ELMOD3: variants seen among roughly 807,000 people sequenced by gnomAD.
ELMOD3 encodes ELMO domain-containing protein 3.
In ELMOD3, 36 loss-of-function variants were observed where a neutral mutation model predicts 47.4. The ratio of observed to expected loss-of-function variants is 0.76; its 90% CI spans 0.58 to 1.00. The LOEUF is 1.00. ELMOD3 is among the 50% of genes least tolerant of loss of function. The probability of loss-of-function intolerance (pLI) is 0.00; values close to 1 mark genes in which losing one functional copy is unlikely to be tolerated. For missense variants in ELMOD3, 404 were observed against 463.8 expected (o/e 0.87, Z 1.18); for synonymous variants, 149 against 183.5 (o/e 0.81, Z 1.52).
intron 11 of ELMOD3, among the ~76,000 whole-genome samples, chr2:85,383,183 C>T (rs968899674): frequency 6.6e-6 from 1 of 151,496 alleles, no homozygotes; most frequent in Admixed American, 6.6e-5. Context: ...GGCTGGAGTG[C>T]AGTGGCGTAA....
At chr2:85,386,988 G>A (rs1685975177) in intron 11 of ELMOD3, 2 of 1,210,070 alleles carry the variant, frequency 1.7e-6, no homozygotes, top group Admixed American at 2.9e-5. Context: ...AGCAACAAGA[G>A]CGAAACTCCG....
rs1280785617 is a variant in ELMOD3, at chr2:85,371,467, A to C, written c.512A>C (p.His171Pro). 5 of 1,614,230 alleles carry C rather than the reference A, an allele frequency of 3.1e-6. No individual in the cohort carries two copies. The highest frequency in any genetic ancestry group is 3.4e-6 in the Non-Finnish European group (4 of 1,180,040). ...GGCCTGGATAGCCAAGACCCAGTGC[A>C]TGGCCGAGTCCTCCAGACCATCTAT... Reference protein sequence around the residue: ...QCGLDSQDPVHGRVLQTIYKK... With the variant: ...QCGLDSQDPVPGRVLQTIYKK... The change falls in exon 10 of 14, where the codon CAT becomes CCT. Residue 171 changes from histidine (H) to proline (P), a missense_variant. Physicochemically the swap from His to Pro is moderately conservative, Grantham distance 77. Transcript: ENST00000409013.
At chr2:85,377,125 T>C (rs769042691) in intron 10 of ELMOD3, among the ~76,000 whole-genome samples, 4 of 152,222 alleles carry the variant, frequency 2.6e-5, no homozygotes, top group Non-Finnish European at 5.9e-5. Flanking sequence ...GCAAGAAAAC[T>C]GATGTGGGAG....
chr2:85,374,281 G>A (rs773408272), intron 10 of ELMOD3, among the ~76,000 whole-genome samples: 11 of 151,944 alleles, frequency 7.2e-5, no homozygotes, highest in Non-Finnish European at 1.2e-4. Flanking sequence ...CAGGAGGACT[G>A]CTTGAGACAA....
At chr2:85,370,264 C>T (rs1436589900) in intron 8 of ELMOD3, among the ~76,000 whole-genome samples, 2 of 151,678 alleles carry the variant, frequency 1.3e-5, no homozygotes, top group African/African-American at 4.8e-5. Flanking sequence ...GGGGAATAAA[C>T]GCTAGGGGTG....
At chr2:85,390,660 G>A in intron 13 of ELMOD3, 100 bp from the exon 14 acceptor site, 1 of 1,498,804 alleles carries the variant, frequency 6.7e-7, no homozygotes, top group East Asian at 2.5e-5. Flanking sequence ...ATGGGATAGG[G>A]GTTGGGGGTA....
chr2:85,390,100 T>C (rs1431734699), intron 12 of ELMOD3, 38 bp from the exon 13 acceptor site: 23 of 1,574,532 alleles, frequency 1.5e-5, no homozygotes, highest in Non-Finnish European at 1.9e-5. Context: ...TCAGCCTTCA[T>C]CCACCGCTGA....
chr2:85,358,707 G>T (rs1683732552), intron 4 of ELMOD3, among the ~76,000 whole-genome samples: 1 of 152,120 alleles, frequency 6.6e-6, no homozygotes, highest in Admixed American at 6.5e-5. Flanking sequence ...AAAGCAGAAG[G>T]ATTAGAGTAA....
chr2:85,371,719 C>T, intron 10 of ELMOD3, 157 bp downstream of exon 10: 1 of 1,058,404 alleles, frequency 9.4e-7, no homozygotes, highest in Non-Finnish European at 1.4e-6. Flanking sequence ...TGAGGGGGCG[C>T]CTGCTAGTTC....
intron 6 of ELMOD3, among the ~76,000 whole-genome samples, chr2:85,364,826 T>TATATATATATATATATATATA (rs1553417118): frequency 5.5e-5 from 3 of 54,784 alleles, no homozygotes; most frequent in African/African-American, 8.5e-5. Flanking sequence ...TATATATATA[T>TATATATATATATATATATATA]TTTTTTTTTT....
At chr2:85,373,919 C>CTTTTTT (rs769671833) in intron 10 of ELMOD3, among the ~76,000 whole-genome samples, 18 of 124,560 alleles carry the variant, frequency 1.4e-4, no homozygotes, top group Non-Finnish European at 2.7e-4. Flanking sequence ...TCCTAACCCT[C>CTTTTTT]TTTTTTTTTT....
chr2:85,376,298 C>T lies in ELMOD3; in HGVS notation c.608-1046C>T, dbSNP rs1336870521. On this transcript the variant is annotated intron_variant, in intron 10 of 13. Coordinates refer to ENST00000409013, the MANE Select transcript of ELMOD3 (RefSeq NM_001135022.2). This position sits in a 1 kb window ranked among gnomAD's most constrained non-coding sequence, Gnocchi z 4.2. ...CATTTTGGGTAGTCTGTATGAGACT[C>T]TGGATCTTACTTAAATCTTCTACTT... Among the ~76,000 whole-genome samples the T allele has an allele frequency of 6.6e-6, 1 of 152,176 alleles. No individual in the cohort carries two copies. Among genetic ancestry groups the T allele is most frequent in the Non-Finnish European group, 1.5e-5 (1 of 68,034 alleles).
intron 11 of ELMOD3, chr2:85,389,519 C>T (rs556721849): frequency 1.7e-6 from 1 of 582,144 alleles, no homozygotes; most frequent in South Asian, 2.0e-5. Context: ...AGCAAATAAC[C>T]TCAGTTGGTA....
intron 7 of ELMOD3, 69 bp from the exon 8 acceptor site, chr2:85,369,669 AG>A: frequency 2.6e-6 from 4 of 1,523,242 alleles, no homozygotes; most frequent in Non-Finnish European, 3.6e-6. Context: ...GACAAGTAGG[AG>A]GGCCTCAGTA....
At chr2:85,370,702 A>G (rs939043501) in intron 8 of ELMOD3, among the ~76,000 whole-genome samples, 4 of 152,102 alleles carry the variant, frequency 2.6e-5, no homozygotes, top group African/African-American at 7.2e-5. Context: ...GAGTCATCTA[A>G]CTCTAGTGGG....
intron 11 of ELMOD3, chr2:85,386,967 A>C: frequency 8.9e-7 from 1 of 1,129,128 alleles, no homozygotes; most frequent in Non-Finnish European, 1.1e-6. Context: ...GTGCCATTGC[A>C]CTCCAGCCTG....
chr2:85,357,084 G>T lies in ELMOD3; in HGVS notation c.-115G>T. 7.2e-6 allele frequency: 5 copies of T among 691,466 alleles called. No individual in the cohort carries two copies. Among genetic ancestry groups the T allele is most frequent in the Non-Finnish European group, 1.2e-5 (5 of 400,948 alleles). The allele number at this position is 691,466 out of a possible 1,614,324, so 42.8% of individuals were successfully genotyped here. A position where few individuals can be genotyped will look rare whatever the true frequency, so the allele number is the denominator to read the frequency against. ...CTTAGTCTGAGTGACTGCCAAGGAA[G>T]GCAAAGGTAGAGCAACTGGATCTCT... On this transcript the variant is annotated 5_prime_UTR_variant, in exon 4 of 14. It adds an upstream start codon to the 5' untranslated region. Transcript: ENST00000409013.
At chr2:85,365,620 A>G (rs573281670) in intron 6 of ELMOD3, among the ~76,000 whole-genome samples, 1 of 152,298 alleles carries the variant, frequency 6.6e-6, no homozygotes, top group East Asian at 1.9e-4. Flanking sequence ...TTCCAAGAGA[A>G]AAGGAGAAGC....
rs1435705690 is a variant in ELMOD3, at chr2:85,391,205, G to A, written c.*243G>A. ...AGCAAGGAGAATTCTGCCTTAATCTGTTGGGCTCCAGTCTCCGGGTTGAAT... is the reference window on the plus strand; with the variant it reads ...AGCAAGGAGAATTCTGCCTTAATCTATTGGGCTCCAGTCTCCGGGTTGAAT... On this transcript the variant is annotated 3_prime_UTR_variant, in exon 14 of 14. Coordinates refer to ENST00000409013, the MANE Select transcript of ELMOD3 (RefSeq NM_001135022.2). 3 of 496,876 alleles carry A rather than the reference G, an allele frequency of 6.0e-6. No individual in the cohort carries two copies. In the East Asian group the frequency reaches 1.1e-4, roughly 18 times the overall value. 30.8% of individuals were successfully genotyped at this position (496,876 alleles called of 1,614,324 possible).
Sources: allele counts gnomAD v4.1 joint callset (sites outside exome capture counted in the v4.1 genomes callset), GRCh38; gene constraint gnomAD v4.1.1; non-coding constraint Gnocchi (gnomAD v3.1); transcripts MANE v1.5; gene names NCBI Gene and HGNC (gene_info 2026-07-23, HGNC 2026-07-21).